The following LAMP1 variants were observed in gnomAD, a reference collection of about 807,000 sequenced individuals.
LAMP1 encodes the protein lysosome-associated membrane glycoprotein 1.
In LAMP1, 7 loss-of-function variants were observed where a neutral mutation model predicts 37.5. The ratio of observed to expected loss-of-function variants is 0.19; its 90% CI spans 0.11 to 0.35. LAMP1 has a LOEUF of 0.35. Ranked by LOEUF, LAMP1 falls within the 10% of genes least tolerant of loss-of-function variation. The pLI is 1.00. For synonymous variants in LAMP1, 236 were observed against 229.1 expected, an observed-to-expected ratio of 1.03 and a Z score of -0.27; for missense variants, 537 against 552.8, an observed-to-expected ratio of 0.97 and a Z score of 0.29.
chr13:113,321,098 T>C lies in LAMP1; in HGVS notation c.877-306T>C. ...TGGGAGGCTGAGGTGGGAGGATCAC[T>C]TGAGCCCAGGAGTTAAGGTTGCGAT... is the stretch of plus-strand genomic sequence containing the variant. On this transcript the variant is annotated intron_variant, in intron 6 of 8. Coordinates refer to ENST00000332556, the MANE Select transcript of LAMP1 (RefSeq NM_005561.4). This position sits in a 1 kb window ranked among gnomAD's most constrained non-coding sequence, Gnocchi z 5.6. 1 of 361,956 alleles carries C rather than the reference T, an allele frequency of 2.8e-6. No homozygotes were observed. Among genetic ancestry groups the C allele is most frequent in the Non-Finnish European group, 5.3e-6 (1 of 190,364 alleles). The allele number at this position is 361,956 out of a possible 1,614,324, so 22.4% of individuals were successfully genotyped here. A position where few individuals can be genotyped will look rare whatever the true frequency, so the allele number is the denominator to read the frequency against.
chr13:113,316,828 C>T (rs2042667895), intron 4 of LAMP1, among the ~76,000 whole-genome samples: 1 of 151,350 alleles, frequency 6.6e-6, no homozygotes, highest in Admixed American at 6.6e-5. Context: ...TGAGATGGCG[C>T]CGCTGCACTC....
chr13:113,301,643 AAATATAT>A (rs2042573908), intron 1 of LAMP1, among the ~76,000 whole-genome samples: 3 of 4,854 alleles, frequency 6.2e-4, no homozygotes, highest in African/African-American at 2.8e-3. Flanking sequence ...AAAAAAAAAA[AAATATAT>A]ATATATATAT....
chr13:113,314,880 G>C (rs1266466938), intron 4 of LAMP1, among the ~76,000 whole-genome samples: 4 of 127,618 alleles, frequency 3.1e-5, no homozygotes, highest in Non-Finnish European at 4.9e-5. Context: ...CAGTGTGCCT[G>C]GGGCGTGGCC....
At chr13:113,307,157 A>G (rs1386290819) in intron 2 of LAMP1, among the ~76,000 whole-genome samples, 1 of 64,762 alleles carries the variant, frequency 1.5e-5, no homozygotes, top group Non-Finnish European at 3.4e-5. Flanking sequence ...ACATTTTTCT[A>G]GTTTTCTTTT....
At chr13:113,319,805 G>T in intron 5 of LAMP1, 149 bp downstream of exon 5, 1 of 722,542 alleles carries the variant, frequency 1.4e-6, no homozygotes, top group Non-Finnish European at 2.2e-6. Flanking sequence ...TAGAGGACAA[G>T]AGCTGGCGTC....
intron 1 of LAMP1, among the ~76,000 whole-genome samples, chr13:113,298,911 G>A (rs1407391392): frequency 6.6e-6 from 1 of 152,260 alleles, no homozygotes; most frequent in Non-Finnish European, 1.5e-5. Context: ...GGGTGGCCGA[G>A]GCAGATGGAT....
At chr13:113,306,629 A>G in intron 2 of LAMP1, 23 bp downstream of exon 2, 2 of 1,607,476 alleles carry the variant, frequency 1.2e-6, no homozygotes, top group Non-Finnish European at 1.7e-6. Flanking sequence ...AGGGCACTTC[A>G]TGCTTCCCTT....
chr13:113,321,846 C>T lies in LAMP1; in HGVS notation c.1114+119C>T. On this transcript the variant is annotated intron_variant, in intron 8 of 8. Transcript: ENST00000332556. The surrounding 1 kb of genome is among the most constrained non-coding windows in gnomAD (Gnocchi z 5.6). ...GACGCCCCTGTTCCTCTGCAAGGAG[C>T]TGTTTCTTCTTGCCGGTCTGAGATT... The T allele has an allele frequency of 1.0e-6, 1 of 987,992 alleles. No individual in the cohort carries two copies. Among genetic ancestry groups the T allele is most frequent in the Non-Finnish European group, 1.5e-6 (1 of 670,830 alleles). 61.2% of individuals were successfully genotyped at this position (987,992 alleles called of 1,614,324 possible).
At chr13:113,316,518 G>T (rs2139372252) in intron 4 of LAMP1, among the ~76,000 whole-genome samples, 1 of 151,380 alleles carries the variant, frequency 6.6e-6, no homozygotes, top group South Asian at 2.1e-4. Flanking sequence ...CGCCTCCTGG[G>T]TTCACGCCAT....
At chr13:113,302,594 A>T (rs1324198409) in intron 1 of LAMP1, among the ~76,000 whole-genome samples, 2 of 152,196 alleles carry the variant, frequency 1.3e-5, no homozygotes, top group African/African-American at 2.4e-5. Flanking sequence ...ATTCAAAAAA[A>T]TTAAATTTTT....
Position 113,309,879 on chromosome 13 carries a change from G to A in LAMP1, c.403+17G>A, listed in dbSNP as rs1292227697. 1 of 1,594,662 alleles carries A rather than the reference G, an allele frequency of 6.3e-7. No homozygotes were observed. The highest frequency in any genetic ancestry group is 8.6e-7 in the Non-Finnish European group (1 of 1,164,134). ...GCTCCAAAGGTAAGAACCAAAATGG[G>A]CCGATTATGAAGTGATAGAAAATTG... On this transcript the variant is annotated intron_variant, in intron 3 of 8. Coordinates refer to ENST00000332556, the MANE Select transcript of LAMP1 (RefSeq NM_005561.4).
At position 113,321,278 on chromosome 13, in the gene LAMP1, T is replaced by A; in HGVS notation, c.877-126T>A. 2 of 799,772 alleles carry A rather than the reference T, an allele frequency of 2.5e-6. No homozygotes were observed. The highest frequency in any genetic ancestry group is 4.4e-6 in the Non-Finnish European group (2 of 457,078). The allele number at this position is 799,772 out of a possible 1,614,324, so 49.5% of individuals were successfully genotyped here. A position where few individuals can be genotyped will look rare whatever the true frequency, so the allele number is the denominator to read the frequency against. ...TGCAGTTTTGTTCTAATACTAGAAA[T>A]GTAGGAAGTCAGGTTTATTACCCAA... On this transcript the variant is annotated intron_variant, in intron 6 of 8. Coordinates refer to ENST00000332556, the MANE Select transcript of LAMP1 (RefSeq NM_005561.4). The surrounding 1 kb of genome is among the most constrained non-coding windows in gnomAD (Gnocchi z 5.6).
In LAMP1 at chr13:113,306,692, C is replaced by T; in HGVS notation, c.183+86C>T. The T allele has an allele frequency of 2.7e-6, 4 of 1,465,584 alleles. No homozygotes were observed. The South Asian group carries it at 4.9e-5, about 18-fold the overall frequency. The allele number at this position is 1,465,584 out of a possible 1,614,324, so 90.8% of individuals were successfully genotyped here. A position where few individuals can be genotyped will look rare whatever the true frequency, so the allele number is the denominator to read the frequency against. ...TTTCAACCAAGTCTTTGAAAAATGG[C>T]CCCATCTGAACATGGTGCTTTTCCT... On this transcript the variant is annotated intron_variant, in intron 2 of 8. Transcript: ENST00000332556.
At chr13:113,319,229 A>G (rs551626251) in intron 4 of LAMP1, among the ~76,000 whole-genome samples, 83 of 152,214 alleles carry the variant, frequency 5.5e-4, no homozygotes, top group Admixed American at 1.0e-3. Flanking sequence ...GGGTAGTGGG[A>G]GGTGGAGGCT....
chr13:113,314,132 G>C (rs2042646987), intron 4 of LAMP1, among the ~76,000 whole-genome samples: 1 of 121,758 alleles, frequency 8.2e-6, no homozygotes, highest in South Asian at 2.6e-4. Flanking sequence ...CTCCCGGAGG[G>C]AGTCAGTGTG....
chr13:113,319,987 C>A (rs1020520239), intron 5 of LAMP1, among the ~76,000 whole-genome samples: 1 of 152,248 alleles, frequency 6.6e-6, no homozygotes, highest in African/African-American at 2.4e-5. Context: ...TTAAGTGTTA[C>A]ATTTTTATAG....
Position 113,319,339 on chromosome 13 carries a change from A to G in LAMP1, c.563-130A>G, listed in dbSNP as rs74971292. 0.012 allele frequency: 9,777 copies of G among 808,658 alleles called. 700 individuals carry two copies. The African/African-American group carries it at 0.15, about 12-fold the overall frequency. The allele number at this position is 808,658 out of a possible 1,614,324, so 50.1% of individuals were successfully genotyped here. On this transcript the variant is annotated intron_variant, in intron 4 of 8. Transcript: ENST00000332556. The stretch of plus-strand genomic sequence containing the variant: ...AGGCATTAGCGAGAGCCACCTTGGG[A>G]GACTGAGAAAATAGTCACCAAGGAC...
Position 113,299,471 on chromosome 13 carries a change from G to T in LAMP1, c.61+1976G>T, listed in dbSNP as rs897077149. 7.9e-5 allele frequency among the ~76,000 whole-genome samples: 12 copies of T among 151,942 alleles called. No individual in the cohort carries two copies. The East Asian group carries it at 2.1e-3, about 27-fold the overall frequency. On this transcript the variant is annotated intron_variant, in intron 1 of 8. Transcript: ENST00000332556. ...GTAGAGACTAGGTTTAACTATGTTG[G>T]TTAGACTGGTCTCGATCTCCCGACC...
intron 1 of LAMP1, among the ~76,000 whole-genome samples, chr13:113,300,441 G>A (rs1469514177): frequency 2.7e-5 from 4 of 148,758 alleles, no homozygotes; most frequent in South Asian, 2.1e-4. Flanking sequence ...AGCTGAGATC[G>A]TGCCATTGCA....
Sources: allele counts gnomAD v4.1 joint callset (sites outside exome capture counted in the v4.1 genomes callset), GRCh38; gene constraint gnomAD v4.1.1; non-coding constraint Gnocchi (gnomAD v3.1); transcripts MANE v1.5; gene names NCBI Gene and HGNC (gene_info 2026-07-23, HGNC 2026-07-21).